Variants in ZNF431 observed in about 807,000 individuals in gnomAD.
ZNF431 encodes zinc finger protein 431.
In ZNF431, 34 loss-of-function variants were observed where a neutral mutation model predicts 57.0. That is an observed-to-expected ratio of 0.60 (90% CI 0.45 to 0.79). The LOEUF (loss-of-function observed/expected upper bound fraction) is 0.79, where lower values mean the gene tolerates loss of function less well. Ranked by LOEUF, ZNF431 falls within the 30% of genes least tolerant of loss-of-function variation. ZNF431 has a pLI of 0.00. For synonymous variants in ZNF431, 207 were observed against 220.3 expected, an observed-to-expected ratio of 0.94 and a Z score of 0.54; for missense variants, 607 against 667.1, an observed-to-expected ratio of 0.91 and a Z score of 0.99.
intron 2 of ZNF431, among the ~76,000 whole-genome samples, chr19:21,165,715 TTTTTGTTTTTTTTTGC>T (rs1231087325): frequency 3.3e-5 from 5 of 152,054 alleles, no homozygotes; most frequent in Non-Finnish European, 5.9e-5. Flanking sequence ...GGTTTTTTTG[TTTTTGTTTTTTTTTGC>T]ATGTGTCTGT....
chr19:21,174,876 G>A (rs1428113076), intron 4 of ZNF431, among the ~76,000 whole-genome samples: 4 of 151,942 alleles, frequency 2.6e-5, no homozygotes, highest in Admixed American at 6.6e-5. Flanking sequence ...AGATTCAAGC[G>A]ATATTCCTTC....
intron 4 of ZNF431, among the ~76,000 whole-genome samples, chr19:21,176,732 C>T (rs1170083588): frequency 2.0e-5 from 3 of 151,972 alleles, no homozygotes; most frequent in Non-Finnish European, 4.4e-5. Context: ...GAGTCCTGCT[C>T]TGTCACCCAG....
intron 2 of ZNF431, among the ~76,000 whole-genome samples, chr19:21,144,742 C>T (rs1405576374): frequency 1.3e-5 from 2 of 152,092 alleles, no homozygotes; most frequent in East Asian, 3.9e-4. Context: ...TCTATTCATT[C>T]TGGCTGTACA....
intron 2 of ZNF431, 41 bp from the exon 3 acceptor site, chr19:21,166,294 C>T: frequency 1.3e-6 from 2 of 1,592,094 alleles, no homozygotes; most frequent in Non-Finnish European, 1.7e-6. Flanking sequence ...CCCATGGCCA[C>T]TTGGTAAATA....
chr19:21,163,537 T>A (rs142928494), intron 2 of ZNF431, among the ~76,000 whole-genome samples: 1 of 152,344 alleles, frequency 6.6e-6, no homozygotes, highest in East Asian at 1.9e-4. Context: ...GTTGGTTTTT[T>A]TTGAGACGGA....
Position 21,186,839 on chromosome 19 carries a change from T to C in ZNF431, c.*2805T>C, listed in dbSNP as rs1395607977. The C allele has an allele frequency of 6.6e-6, 1 of 152,202 alleles. No homozygotes were observed. Among genetic ancestry groups the C allele is most frequent in the Non-Finnish European group, 1.5e-5 (1 of 68,024 alleles). 9.4% of individuals were successfully genotyped at this position (152,202 alleles called of 1,614,324 possible). On this transcript the variant is annotated 3_prime_UTR_variant, in exon 5 of 5. Transcript: ENST00000311048. Reference sequence around the variant, plus strand: ...TGTATTAAGTTACATTTTATTTAGTTAGAGCACTCCATTTTGTTCTTTTAA... The same window carrying C: ...TGTATTAAGTTACATTTTATTTAGTCAGAGCACTCCATTTTGTTCTTTTAA...
chr19:21,166,098 A>G (rs1970711817), intron 2 of ZNF431, among the ~76,000 whole-genome samples: 1 of 152,214 alleles, frequency 6.6e-6, no homozygotes. Context: ...ATACTTTATC[A>G]TCCAGAGAAG....
At chr19:21,155,809 T>C (rs1970400901) in intron 2 of ZNF431, among the ~76,000 whole-genome samples, 1 of 152,088 alleles carries the variant, frequency 6.6e-6, no homozygotes, top group African/African-American at 2.4e-5. Flanking sequence ...ACTCTACAGA[T>C]TTGGTGGCAG....
At chr19:21,150,213 A>G in intron 2 of ZNF431, 1 of 546,216 alleles carries the variant, frequency 1.8e-6, no homozygotes. Context: ...TTAATCACAG[A>G]AAAACACTTT....
intron 2 of ZNF431, chr19:21,149,820 A>C (rs1970216181): frequency 3.1e-6 from 2 of 654,326 alleles, no homozygotes; most frequent in Non-Finnish European, 2.8e-6. Flanking sequence ...TTGTCTTCTG[A>C]GTTAACCTGT....
rs1971430920 is a variant in ZNF431 at position 21,188,492 on chromosome 19, A to G, written c.*4458A>G. On this transcript the variant is annotated 3_prime_UTR_variant, in exon 5 of 5. Coordinates refer to ENST00000311048, the MANE Select transcript of ZNF431 (RefSeq NM_133473.4). Reference sequence around the variant, plus strand: ...AGCACAACTTATATTTCCATGCAGAATCTTTTATTTTTAAGTGTGAGTGTT... The same window carrying G: ...AGCACAACTTATATTTCCATGCAGAGTCTTTTATTTTTAAGTGTGAGTGTT... 1 of 152,162 alleles carries G rather than the reference A, an allele frequency of 6.6e-6. No individual in the cohort carries two copies. The highest frequency in any genetic ancestry group is 2.4e-5 in the African/African-American group (1 of 41,432). The allele number at this position is 152,162 out of a possible 1,614,324, so 9.4% of individuals were successfully genotyped here. A position where few individuals can be genotyped will look rare whatever the true frequency, so the allele number is the denominator to read the frequency against.
rs1006157443 is a variant in ZNF431, at chr19:21,156,683, A to G, written c.97-9652A>G. Among the ~76,000 whole-genome samples the G allele has an allele frequency of 2.9e-5, 3 of 101,992 alleles. No individual in the cohort carries two copies. In the Admixed American group the frequency reaches 3.2e-4, roughly 11 times the overall value. The allele number at this position is 101,992 out of a possible 152,430, so 66.9% of individuals were successfully genotyped here. On this transcript the variant is annotated intron_variant, in intron 2 of 4. Transcript: ENST00000311048. ...TCCAGCATCATCTATGTTGCTGCAA[A>G]TAACTTAATCTTGTTTTTTTTTTTT...
At chr19:21,155,414 G>A (rs1970392278) in intron 2 of ZNF431, among the ~76,000 whole-genome samples, 1 of 152,130 alleles carries the variant, frequency 6.6e-6, no homozygotes, top group Admixed American at 6.5e-5. Context: ...TGCTGTTTTG[G>A]TTACTGTAGC....
At position 21,184,560 on chromosome 19, in the gene ZNF431, A is replaced by G. The variant is rs967396991; in HGVS notation, c.*526A>G. ...AGAAATCCTAGAAATCTGAAGAGTG[A>G]GATAAAGCCTTTAAATGGTTGTCAC... On this transcript the variant is annotated 3_prime_UTR_variant, in exon 5 of 5. Coordinates refer to ENST00000311048, the MANE Select transcript of ZNF431 (RefSeq NM_133473.4). The G allele has an allele frequency of 3.3e-5, 5 of 153,546 alleles. No individual in the cohort carries two copies. Among genetic ancestry groups the G allele is most frequent in the African/African-American group, 1.2e-4 (5 of 41,462 alleles). 9.5% of individuals were successfully genotyped at this position (153,546 alleles called of 1,614,324 possible).
chr19:21,174,683 A>G (rs1378368966), intron 4 of ZNF431, among the ~76,000 whole-genome samples: 1 of 152,224 alleles, frequency 6.6e-6, no homozygotes, highest in Non-Finnish European at 1.5e-5. Context: ...TATAGACAGC[A>G]AATTGTATAC....
intron 2 of ZNF431, among the ~76,000 whole-genome samples, chr19:21,152,730 A>G (rs117690283): frequency 6.6e-6 from 1 of 152,058 alleles, no homozygotes; most frequent in Non-Finnish European, 1.5e-5. Context: ...CTCTAACCCA[A>G]TCCCATCCTT....
At chr19:21,176,308 T>C (rs1244648860) in intron 4 of ZNF431, among the ~76,000 whole-genome samples, 1 of 149,300 alleles carries the variant, frequency 6.7e-6, no homozygotes, top group African/African-American at 2.5e-5. Flanking sequence ...TGGTGCAAAC[T>C]CAGCTCACTG....
intron 2 of ZNF431, among the ~76,000 whole-genome samples, chr19:21,160,300 C>T (rs942302088): frequency 1.2e-4 from 19 of 152,078 alleles, no homozygotes; most frequent in African/African-American, 4.1e-4. Flanking sequence ...TGACCTGTTA[C>T]AGTTATGTAA....
At chr19:21,169,242 G>A (rs1056556381) in intron 4 of ZNF431, among the ~76,000 whole-genome samples, 1 of 151,882 alleles carries the variant, frequency 6.6e-6, no homozygotes, top group African/African-American at 2.4e-5. Flanking sequence ...TACTGTTTAT[G>A]GTTTTTTTAT....
Sources: allele counts gnomAD v4.1 joint callset (sites outside exome capture counted in the v4.1 genomes callset), GRCh38; gene constraint gnomAD v4.1.1; transcripts MANE v1.5; gene names NCBI Gene and HGNC (gene_info 2026-07-23, HGNC 2026-07-21).